YY1AP1: variants seen among roughly 807,000 people sequenced by gnomAD.
The protein encoded by YY1AP1 is YY1-associated protein 1.
Under a neutral mutation model 39.9 loss-of-function variants are expected in YY1AP1, and 43 were observed. The ratio of observed to expected loss-of-function variants is 1.08; its 90% confidence interval spans 0.84 to 1.39. YY1AP1 has a LOEUF of 1.39. Among genes scored for constraint, YY1AP1 ranks in the 40% most tolerant of loss-of-function variants. The pLI is 0.00. For missense variants in YY1AP1, 813 were observed against 900.7 expected (o/e 0.90, Z 1.25); for synonymous variants, 292 against 331.3 (o/e 0.88, Z 1.29).
chr1:155,660,159 C>T lies in YY1AP1; in HGVS notation c.1751G>A (p.Ser584Asn). ...GGTGGCGATGGGAATAGTCTGGGGA[C>T]TCTGGGCCACAGCCGCATTGACAGG... ...IQPVNAAVAQ[S>N]PQTIPIATLL... is the part of the protein sequence containing the mutation. Residue 584 changes from serine to asparagine, a missense_variant, in exon 11 of 11, where the codon AGT becomes AAT. Ser to Asn is a conservative substitution (Grantham distance 46, BLOSUM62 1). Around this residue, in one of 3 missense-constraint regions of YY1AP1, gnomAD observed 586 missense variants for 647.4 expected, o/e 0.91. Transcript: ENST00000355499. The T allele has an allele frequency of 6.2e-7, 1 of 1,614,142 alleles. No individual in the cohort carries two copies. Among genetic ancestry groups the T allele is most frequent in the Non-Finnish European group, 8.5e-7 (1 of 1,180,024 alleles).
chr1:155,661,192 C>T (rs1054169501), intron 10 of YY1AP1, 115 bp downstream of exon 10: 2 of 1,609,626 alleles, frequency 1.2e-6, no homozygotes, highest in Non-Finnish European at 8.5e-7. Flanking sequence ...CAGGAAGATT[C>T]CTGAAGTCCT....
At chr1:155,665,366 G>A (rs774373402) in intron 9 of YY1AP1, among the ~76,000 whole-genome samples, 32 of 152,088 alleles carry the variant, frequency 2.1e-4, no homozygotes, top group Non-Finnish European at 2.8e-4. Context: ...TTGGGAGACC[G>A]AAACGGGTGG....
In YY1AP1 at chr1:155,679,450, C is replaced by T. The variant is rs1558314112; in HGVS notation, c.84G>A (p.Val28=). The T allele has an allele frequency of 1.2e-6, 2 of 1,614,216 alleles. No individual in the cohort carries two copies. Among genetic ancestry groups the T allele is most frequent in the African/African-American group, 1.3e-5 (1 of 75,048 alleles). Residue 28 remains valine (V), a synonymous_variant, in exon 4 of 11, where the codon GTG becomes GTA. Coordinates refer to ENST00000355499, the MANE Select transcript of YY1AP1 (RefSeq NM_139119.3). ...TGTTAAAGTTAGCTTGAGGCTCAGCCACACGCTCCTCCTCTTCTGGGCCAT... is the reference window on the plus strand; with the variant it reads ...TGTTAAAGTTAGCTTGAGGCTCAGCTACACGCTCCTCCTCTTCTGGGCCAT... ...EDDGPEEEER[V]AEPQANFNTP...
chr1:155,664,749 C>CA (rs1648692935), intron 9 of YY1AP1, among the ~76,000 whole-genome samples: 2 of 148,546 alleles, frequency 1.3e-5, no homozygotes, highest in South Asian at 2.1e-4. Context: ...TCGATACAAT[C>CA]AAAAGACCAT....
chr1:155,675,048 T>TGG lies in YY1AP1; in HGVS notation c.371_372dup (p.Asn125ProfsTer44). On this transcript the variant is annotated frameshift_variant, in exon 6 of 11. Coordinates refer to ENST00000355499, the MANE Select transcript of YY1AP1 (RefSeq NM_139119.3). LOFTEE classifies it high-confidence loss of function. Reference sequence around the variant, plus strand: ...GTGCTACTGGCCTCCGGATTGAGATTGGGGTTGCAGGTGGCAAGAAGGTGG... The same window carrying TGG: ...GTGCTACTGGCCTCCGGATTGAGATTGGGGGGTTGCAGGTGGCAAGAAGGTGG... The TGG allele has an allele frequency of 6.2e-7, 1 of 1,613,854 alleles. No homozygotes were observed. The highest frequency in any genetic ancestry group is 2.2e-5 in the East Asian group (1 of 44,868).
upstream of YY1AP1, chr1:155,688,978 G>A (rs745307798): frequency 2.5e-6 from 4 of 1,607,356 alleles, no homozygotes; most frequent in Admixed American, 1.7e-5. Context: ...CTCCTCCATG[G>A]GACCGCGGCG....
intron 6 of YY1AP1, among the ~76,000 whole-genome samples, chr1:155,673,683 A>G (rs1367347437): frequency 6.6e-6 from 1 of 152,106 alleles, no homozygotes; most frequent in Non-Finnish European, 1.5e-5. Context: ...TGCTGGGACT[A>G]CAGGCACTCG....
intron 6 of YY1AP1, among the ~76,000 whole-genome samples, chr1:155,673,265 C>T (rs11583059): frequency 3.9e-5 from 6 of 152,112 alleles, no homozygotes; most frequent in Non-Finnish European, 5.9e-5. Flanking sequence ...CCGCCTGCCT[C>T]GGCCTCTCAT....
chr1:155,680,257 T>C, intron 3 of YY1AP1, 159 bp downstream of exon 3: 1 of 714,698 alleles, frequency 1.4e-6, no homozygotes, highest in Non-Finnish European at 2.2e-6. Flanking sequence ...AGTCTAGCAG[T>C]TAGCAAATTT....
At position 155,688,730 on chromosome 1, in the gene YY1AP1, C is replaced by T. The variant is rs1653143442; in HGVS notation, c.-223G>A. On this transcript the variant is annotated 5_prime_UTR_variant, in exon 1 of 11. Transcript: ENST00000355499. The stretch of plus-strand genomic sequence containing the variant: ...CCCCCTCCCTCCCCGCCCGCACGGC[C>T]ACCAACCGCCGCCAAAGCAGCCGCC... 7 of 1,518,770 alleles carry T rather than the reference C, an allele frequency of 4.6e-6. No individual in the cohort carries two copies. Among genetic ancestry groups the T allele is most frequent in the Non-Finnish European group, 6.1e-6 (7 of 1,140,184 alleles). 94.1% of individuals were successfully genotyped at this position (1,518,770 alleles called of 1,614,324 possible).
In YY1AP1 at chr1:155,679,421, G is replaced by A; in HGVS notation, c.113C>T (p.Pro38Leu). The A allele has an allele frequency of 6.2e-7, 1 of 1,614,120 alleles. No homozygotes were observed. Among genetic ancestry groups the A allele is most frequent in the Non-Finnish European group, 8.5e-7 (1 of 1,180,014 alleles). Residue 38 changes from proline to leucine, a missense_variant, in exon 4 of 11, where the codon CCT (proline) becomes CTT (leucine). Pro to Leu is a moderately conservative substitution (Grantham distance 98, BLOSUM62 -3). Transcript: ENST00000355499. The part of the protein sequence containing the change: ...VAEPQANFNT[P>L]QALRFEELLA... ...TCAACTAGCCTACCGTAGAGCTTGA[G>A]GGGTGTTAAAGTTAGCTTGAGGCTC...
At chr1:155,665,784 CAAAAAAA>C (rs58155011) in intron 9 of YY1AP1, among the ~76,000 whole-genome samples, 34 of 35,058 alleles carry the variant, frequency 9.7e-4, no homozygotes, top group South Asian at 9.5e-3. Context: ...CTCTGTGTCT[CAAAAAAA>C]AAAAAAAAAA....
intron 9 of YY1AP1, among the ~76,000 whole-genome samples, chr1:155,667,561 C>G (rs1649197471): frequency 1.3e-5 from 2 of 151,560 alleles, no homozygotes; most frequent in South Asian, 4.1e-4. Context: ...CAATGGCTCA[C>G]ATTTGTAATC....
intron 9 of YY1AP1, among the ~76,000 whole-genome samples, chr1:155,666,182 C>T (rs139960069): frequency 0.012 from 1,770 of 151,498 alleles, 34 homozygotes; most frequent in African/African-American, 0.039. Context: ...AGTGCAGTGG[C>T]GCGATCTCGG....
At position 155,676,434 on chromosome 1, in the gene YY1AP1, G is replaced by A. The variant is rs607036; in HGVS notation, c.324+114C>T. On this transcript the variant is annotated intron_variant, in intron 5 of 10. Transcript: ENST00000355499. ...TGTGAAGATACTACGGTTTTAATACGTAGTAAGGTAACTATCTCTGACATT... is the reference window on the plus strand; with the variant it reads ...TGTGAAGATACTACGGTTTTAATACATAGTAAGGTAACTATCTCTGACATT... The A allele has an allele frequency of 0.017, 21,480 of 1,266,294 alleles. 2,880 individuals are homozygous for A. The African/African-American group carries it at 0.28, about 17-fold the overall frequency. 78.4% of individuals were successfully genotyped at this position (1,266,294 alleles called of 1,614,324 possible).
intron 6 of YY1AP1, 173 bp downstream of exon 6, chr1:155,674,837 G>T (rs1395376093): frequency 1.8e-6 from 1 of 554,520 alleles, no homozygotes; most frequent in Admixed American, 3.2e-5. Context: ...AAAAAGAAAA[G>T]AAAAAATTGA....
chr1:155,686,017 G>T (rs1054039032), intron 2 of YY1AP1, among the ~76,000 whole-genome samples: 2 of 142,240 alleles, frequency 1.4e-5, no homozygotes, highest in African/African-American at 2.6e-5. Flanking sequence ...CTTACTACAT[G>T]AAATCAGTCT....
chr1:155,666,185 G>A (rs1184547732), intron 9 of YY1AP1, among the ~76,000 whole-genome samples: 5 of 151,624 alleles, frequency 3.3e-5, no homozygotes, highest in African/African-American at 7.3e-5. Flanking sequence ...GCAGTGGCGC[G>A]ATCTCGGCTC....
upstream of YY1AP1, chr1:155,688,790 G>T: frequency 1.9e-6 from 3 of 1,543,800 alleles, no homozygotes; most frequent in African/African-American, 1.4e-5. Flanking sequence ...TCGCGCGTGC[G>T]CCTCCCACAG....
Sources: gnomAD v4.1 joint callset for allele counts (sites outside exome capture counted in the v4.1 genomes callset) on GRCh38, gnomAD v4.1.1 for gene constraint, gnomAD v4.1.1 regional missense constraint, MANE v1.5 for transcripts, NCBI Gene and HGNC (gene_info 2026-07-23, HGNC 2026-07-21) for gene names.